The following FBXO5 variants were observed in gnomAD, a reference collection of about 807,000 sequenced individuals.
The protein encoded by FBXO5 is F-box only protein 5.
FBXO5 carries 8 observed loss-of-function variants against 43.3 expected under a neutral mutation model. The ratio of observed to expected loss-of-function variants is 0.18; its 90% CI spans 0.11 to 0.33. FBXO5 has a LOEUF of 0.33. Among genes scored for constraint, FBXO5 ranks in the 10% least tolerant of loss-of-function variants. The pLI is 1.00. For missense variants in FBXO5, 491 were observed against 535.7 expected (o/e 0.92, Z 0.82); for synonymous variants, 204 against 193.7 (o/e 1.05, Z -0.44).
chr6:152,978,194 G>A (rs905801805), intron 1 of FBXO5, among the ~76,000 whole-genome samples: 25 of 151,954 alleles, frequency 1.6e-4, no homozygotes, highest in Admixed American at 9.2e-4. Context: ...CGCACTTAAG[G>A]TACTAAAGAA....
chr6:152,983,018 C>G lies in FBXO5; in HGVS notation c.-59G>C, dbSNP rs547980533. The G allele has an allele frequency of 6.6e-6, 7 of 1,065,502 alleles. No homozygotes were observed. Among genetic ancestry groups the G allele is most frequent in the African/African-American group, 1.7e-5 (1 of 59,700 alleles). The allele number at this position is 1,065,502 out of a possible 1,614,324, so 66.0% of individuals were successfully genotyped here. Reference sequence around the variant, plus strand: ...AACCGCTCCGGGGGCAGCTGAGCAACCTGCCTGCTTCACAGACCTGTATCT... The same window carrying G: ...AACCGCTCCGGGGGCAGCTGAGCAAGCTGCCTGCTTCACAGACCTGTATCT... On this transcript the variant is annotated 5_prime_UTR_variant, in exon 1 of 5. Transcript: ENST00000229758.
In FBXO5 at chr6:152,972,289, G is replaced by A; in HGVS notation, c.1075C>T (p.His359Tyr). ...AAAATTACCTCAGAGAATTCATTGTGTCGACTATAAGTAGAACCTTTCTGA... is the reference window on the plus strand; with the variant it reads ...AAAATTACCTCAGAGAATTCATTGTATCGACTATAAGTAGAACCTTTCTGA... ...GDQKGSTYSRHNEFSEVAKTL... is the reference protein window; with the variant it reads ...GDQKGSTYSRYNEFSEVAKTL... The change falls in exon 4 of 5, where the codon CAC (histidine) becomes TAC (tyrosine). Residue 359 changes from histidine to tyrosine, a missense_variant. Coordinates refer to ENST00000229758, the MANE Select transcript of FBXO5 (RefSeq NM_012177.5). The A allele has an allele frequency of 6.2e-7, 1 of 1,608,688 alleles. No individual in the cohort carries two copies. The highest frequency in any genetic ancestry group is 8.5e-7 in the Non-Finnish European group (1 of 1,176,920).
In FBXO5 at chr6:152,976,906, T is replaced by C. The variant is rs1584080757; in HGVS notation, c.104-1285A>G. Among the ~76,000 whole-genome samples the C allele has an allele frequency of 1.3e-5, 2 of 152,316 alleles. 1 individual carries two copies. The highest frequency in any genetic ancestry group is 4.1e-4 in the South Asian group (2 of 4,828). On this transcript the variant is annotated intron_variant, in intron 1 of 4. Coordinates refer to ENST00000229758, the MANE Select transcript of FBXO5 (RefSeq NM_012177.5). ...GCATTGTAGGATGTTAAGCAGCCTT[T>C]ACCCATTAGACACCAGTGGCAGCCC...
intron 1 of FBXO5, among the ~76,000 whole-genome samples, chr6:152,976,674 A>G (rs1465023503): frequency 6.6e-6 from 1 of 152,240 alleles, no homozygotes; most frequent in East Asian, 1.9e-4. Context: ...ACTTAAGATA[A>G]ACTTGCTATT....
At chr6:152,983,204 G>A, upstream of FBXO5, 1 of 384,860 alleles carries the variant, frequency 2.6e-6, no homozygotes, top group Non-Finnish European at 4.6e-6. Context: ...GCGGGGCCGA[G>A]CCGCGAAGCC....
chr6:152,971,125 TAACATTCATGATCAGTAACA>T lies in FBXO5; in HGVS notation c.*18_*37del. The T allele has an allele frequency of 6.5e-7, 1 of 1,543,708 alleles. No individual in the cohort carries two copies. Among genetic ancestry groups the T allele is most frequent in the Non-Finnish European group, 8.7e-7 (1 of 1,147,834 alleles). On this transcript the variant is annotated 3_prime_UTR_variant, in exon 5 of 5. Coordinates refer to ENST00000229758, the MANE Select transcript of FBXO5 (RefSeq NM_012177.5). ...AAGTTAAAACCTAACATTTTCTAACTAACATTCATGATCAGTAACAATTGATTTAATAAGAGATCACAATC... is the reference window on the plus strand; with the variant it reads ...AAGTTAAAACCTAACATTTTCTAACTATTGATTTAATAAGAGATCACAATC...
At chr6:152,983,160 C>T, upstream of FBXO5, 2 of 399,498 alleles carry the variant, frequency 5.0e-6, no homozygotes, top group Non-Finnish European at 8.9e-6. Context: ...TGGGTGGGGG[C>T]GCCCTCGTCC....
At chr6:152,971,722 T>G (rs1220367899) in intron 4 of FBXO5, among the ~76,000 whole-genome samples, 1 of 152,200 alleles carries the variant, frequency 6.6e-6, no homozygotes, top group Admixed American at 6.5e-5. Flanking sequence ...ATAATTTTGG[T>G]AAGTTATCTA....
Position 152,975,256 on chromosome 6 carries a change from TGAG to T in FBXO5, c.466_468del (p.Leu156del). 6.2e-7 allele frequency: 1 copy of T among 1,614,178 alleles called. No homozygotes were observed. Among genetic ancestry groups the T allele is most frequent in the Non-Finnish European group, 8.5e-7 (1 of 1,180,024 alleles). On this transcript the variant is annotated inframe_deletion, in exon 2 of 5. Transcript: ENST00000229758. ...AGGAGGCTACCTTCTTCATGTTCAC[TGAG>T]GCCACTTTGTAGAGAAAATGAGGAA...
intron 1 of FBXO5, among the ~76,000 whole-genome samples, chr6:152,978,624 T>C (rs533006920): frequency 1.5e-4 from 23 of 152,246 alleles, no homozygotes; most frequent in African/African-American, 5.1e-4. Context: ...CTCACGAAAT[T>C]AGCACTTAAG....
At chr6:152,982,465 G>A (rs1778277325) in intron 1 of FBXO5, among the ~76,000 whole-genome samples, 1 of 152,078 alleles carries the variant, frequency 6.6e-6, no homozygotes, top group Non-Finnish European at 1.5e-5. Flanking sequence ...TCGCAGCCCT[G>A]TCACCGCCGG....
chr6:152,982,260 G>T (rs1028630939), intron 1 of FBXO5, among the ~76,000 whole-genome samples: 2 of 152,178 alleles, frequency 1.3e-5, no homozygotes, highest in Non-Finnish European at 2.9e-5. Flanking sequence ...GATCGGTGGG[G>T]CTGCCCCTCA....
In FBXO5 at chr6:152,975,211, TG is replaced by T; in HGVS notation, c.513del (p.Asp171GlufsTer35). On this transcript the variant is annotated frameshift_variant, in exon 2 of 5. Coordinates refer to ENST00000229758, the MANE Select transcript of FBXO5 (RefSeq NM_012177.5). LOFTEE classifies it high-confidence loss of function. ...EGSLLEENFG[D>X]SLQSCLLQIQ... ...ATTTGTAGCAGGCAGGATTGTAGACTGTCACCGAAATTCTCCTCCAGGAGGC... is the reference window on the plus strand; with the variant it reads ...ATTTGTAGCAGGCAGGATTGTAGACTTCACCGAAATTCTCCTCCAGGAGGC... The T allele has an allele frequency of 6.2e-7, 1 of 1,614,172 alleles. No homozygotes were observed. Among genetic ancestry groups the T allele is most frequent in the Non-Finnish European group, 8.5e-7 (1 of 1,180,010 alleles).
chr6:152,981,172 T>C (rs1282565388), intron 1 of FBXO5, among the ~76,000 whole-genome samples: 1 of 152,196 alleles, frequency 6.6e-6, no homozygotes, highest in African/African-American at 2.4e-5. Context: ...CCTATTCCTA[T>C]TTTTCCCCCA....
intron 1 of FBXO5, 26 bp from the exon 2 acceptor site, chr6:152,975,647 T>C (rs1562291410): frequency 6.8e-7 from 1 of 1,469,050 alleles, no homozygotes; most frequent in Non-Finnish European, 9.1e-7. Flanking sequence ...AACATTTACA[T>C]CTTAATGGCA....
Position 152,973,143 on chromosome 6 carries a change from A to G in FBXO5, c.819-7T>C, listed in dbSNP as rs767853158. The G allele has an allele frequency of 3.7e-6, 6 of 1,605,142 alleles. No homozygotes were observed. In the Admixed American group the frequency reaches 5.0e-5, roughly 13 times the overall value. ...TGTGCTCACTTTAGACACACTGGAA[A>G]AGTAAATCACCATAAATGAAATAAT... On this transcript the variant is annotated splice_region_variant and splice_polypyrimidine_tract_variant and intron_variant, in intron 2 of 4. Transcript: ENST00000229758.
chr6:152,981,644 T>C (rs1422189015), intron 1 of FBXO5, among the ~76,000 whole-genome samples: 1 of 149,794 alleles, frequency 6.7e-6, no homozygotes, highest in South Asian at 2.1e-4. Flanking sequence ...TAAAGACAAT[T>C]AGAGTTATCA....
At chr6:152,972,210 C>G (rs1778096555) in intron 4 of FBXO5, 62 bp downstream of exon 4, 2 of 1,295,378 alleles carry the variant, frequency 1.5e-6, no homozygotes, top group African/African-American at 3.0e-5. Flanking sequence ...CTTGAAAGTT[C>G]TTTTACATTT....
chr6:152,971,325 T>C lies in FBXO5; in HGVS notation c.1182A>G (p.Ala394=). 1 of 1,614,098 alleles carries C rather than the reference T, an allele frequency of 6.2e-7. No homozygotes were observed. The highest frequency in any genetic ancestry group is 1.1e-5 in the South Asian group (1 of 91,072). ...ATCCACAGCCTTCTCGTTTGCAGGT[T>C]GCCCGTTGTAAATAGCAATCATATT... ...PAKYDCYLQR[A]TCKREGCGFD... is the part of the protein sequence containing the mutation. The change falls in exon 5 of 5, where the codon GCA becomes GCG. Residue 394 remains alanine, a synonymous_variant. Transcript: ENST00000229758.
Sources: allele counts gnomAD v4.1 joint callset (sites outside exome capture counted in the v4.1 genomes callset), GRCh38; gene constraint gnomAD v4.1.1; transcripts MANE v1.5; gene names NCBI Gene and HGNC (gene_info 2026-07-23, HGNC 2026-07-21).